Variants in CPQ observed in about 807,000 individuals in gnomAD.
CPQ encodes the protein carboxypeptidase Q.
A neutral mutation model predicts 45.7 loss-of-function variants in CPQ; 37 were observed. The observed-to-expected ratio is 0.81, with a 90% confidence interval of 0.62 to 1.07. CPQ has a LOEUF of 1.07. Ranked by LOEUF, CPQ falls within the 50% of genes least tolerant of loss-of-function variation. The probability of loss-of-function intolerance (pLI) is 0.00; values close to 1 mark genes in which losing one functional copy is unlikely to be tolerated. For synonymous variants in CPQ, 186 were observed against 205.8 expected, an observed-to-expected ratio of 0.90 and a Z score of 0.82; for missense variants, 537 against 572.9, an observed-to-expected ratio of 0.94 and a Z score of 0.64.
chr8:96,775,117 G>C (rs751111077), intron 1 of CPQ, among the ~76,000 whole-genome samples: 1 of 152,134 alleles, frequency 6.6e-6, no homozygotes, highest in Non-Finnish European at 1.5e-5. Context: ...TGTTTGGGTA[G>C]AACTGGGTCA....
chr8:96,717,836 G>T (rs1326401425), intron 1 of CPQ, among the ~76,000 whole-genome samples: 2 of 152,162 alleles, frequency 1.3e-5, no homozygotes, highest in Non-Finnish European at 2.9e-5. Flanking sequence ...TAGCTGCTGG[G>T]GTAATGTTCC....
intron 4 of CPQ, among the ~76,000 whole-genome samples, chr8:96,922,248 A>G (rs188549581): frequency 2.9e-4 from 44 of 152,340 alleles, no homozygotes; most frequent in Admixed American, 7.8e-4. Flanking sequence ...AACAGTAACT[A>G]TGACAACTCA....
intron 5 of CPQ, among the ~76,000 whole-genome samples, chr8:97,002,152 C>A (rs1479416629): frequency 6.6e-6 from 1 of 152,004 alleles, no homozygotes; most frequent in African/African-American, 2.4e-5. Context: ...TGAACCTTCT[C>A]TCTTTTCTCC....
intron 3 of CPQ, among the ~76,000 whole-genome samples, chr8:96,835,776 A>C (rs1811521144): frequency 6.6e-6 from 1 of 152,206 alleles, no homozygotes; most frequent in Admixed American, 6.5e-5. Context: ...TTTGAGATTA[A>C]ATGAGGTCAA....
intron 3 of CPQ, among the ~76,000 whole-genome samples, chr8:96,845,335 C>T (rs1324535346): frequency 6.6e-6 from 1 of 152,146 alleles, no homozygotes; most frequent in Non-Finnish European, 1.5e-5. Context: ...CTTTCGTGTA[C>T]CTCATTGTAT....
chr8:96,971,457 T>C (rs1813678985), intron 5 of CPQ, among the ~76,000 whole-genome samples: 1 of 152,234 alleles, frequency 6.6e-6, no homozygotes, highest in African/African-American at 2.4e-5. Context: ...TGGCCCCAGA[T>C]GAATCAGAAT....
chr8:96,981,106 AC>A (rs1813888154), intron 5 of CPQ, among the ~76,000 whole-genome samples: 1 of 152,194 alleles, frequency 6.6e-6, no homozygotes. Flanking sequence ...AGAAAACACA[AC>A]CAAATCTAGT....
At chr8:97,123,134 A>AAAATAAAATAAATAAAATAAAATAAAAT (rs1811771766) in intron 7 of CPQ, among the ~76,000 whole-genome samples, 1 of 106,532 alleles carries the variant, frequency 9.4e-6, no homozygotes, top group Non-Finnish European at 1.8e-5. Flanking sequence ...TAAATAAAAT[A>AAAATAAAATAAATAAAATAAAATAAAAT]AAATAAAATA....
At chr8:96,838,245 T>C (rs1811556529) in intron 3 of CPQ, among the ~76,000 whole-genome samples, 1 of 152,168 alleles carries the variant, frequency 6.6e-6, no homozygotes, top group South Asian at 2.1e-4. Context: ...AACAAACAGC[T>C]TCAAATCTCA....
rs1020955976 is a variant in CPQ at position 96,984,654 on chromosome 8, G to A, written c.961+18608G>A. Among the ~76,000 whole-genome samples, 3 of 152,148 alleles carry A rather than the reference G, an allele frequency of 2.0e-5. No individual in the cohort carries two copies. The South Asian group carries it at 6.2e-4, about 31-fold the overall frequency. ...ACTCAGTCTCAGGAATTATGTTGTG[G>A]TAGCACAAAATGGACTAAGACATTA... On this transcript the variant is annotated intron_variant, in intron 5 of 7. Transcript: ENST00000220763.
intron 1 of CPQ, among the ~76,000 whole-genome samples, chr8:96,655,160 T>A (rs1006948068): frequency 1.3e-5 from 2 of 152,136 alleles, no homozygotes; most frequent in Non-Finnish European, 2.9e-5. Context: ...AAATATACTT[T>A]CTGGCCATTT....
At chr8:96,905,760 C>CAAA (rs747470074) in intron 4 of CPQ, among the ~76,000 whole-genome samples, 20 of 64,814 alleles carry the variant, frequency 3.1e-4, no homozygotes, top group East Asian at 4.7e-4. Flanking sequence ...CTGTCTTAAC[C>CAAA]AAAAAAAAAA....
chr8:96,726,131 G>A (rs1044083722), intron 1 of CPQ, among the ~76,000 whole-genome samples: 5 of 152,066 alleles, frequency 3.3e-5, no homozygotes, highest in East Asian at 3.9e-4. Flanking sequence ...AAAATTACCT[G>A]TTGGGTACTC....
At chr8:96,921,240 T>C (rs1197522064) in intron 4 of CPQ, among the ~76,000 whole-genome samples, 2 of 152,194 alleles carry the variant, frequency 1.3e-5, no homozygotes, top group Non-Finnish European at 2.9e-5. Context: ...ATGTAGAGCA[T>C]GCACCTGTTC....
intron 2 of CPQ, 54 bp downstream of exon 2, chr8:96,785,384 G>A (rs1810754976): frequency 3.0e-6 from 4 of 1,353,636 alleles, no homozygotes; most frequent in Non-Finnish European, 2.0e-6. Context: ...ATGTCCCTTG[G>A]TGTAATTGAG....
chr8:96,719,544 G>A (rs947804061), intron 1 of CPQ, among the ~76,000 whole-genome samples: 4 of 152,222 alleles, frequency 2.6e-5, no homozygotes, highest in African/African-American at 7.2e-5. Flanking sequence ...CAGTGCAGCG[G>A]TGGGCTGAAG....
chr8:97,118,599 T>C (rs551753746), intron 7 of CPQ, among the ~76,000 whole-genome samples: 1 of 152,176 alleles, frequency 6.6e-6, no homozygotes, highest in Non-Finnish European at 1.5e-5. Context: ...CAAGTGATAA[T>C]GTAGGAAGCA....
At chr8:96,824,609 G>T (rs1208556090) in intron 2 of CPQ, among the ~76,000 whole-genome samples, 2 of 151,928 alleles carry the variant, frequency 1.3e-5, no homozygotes, top group African/African-American at 4.8e-5. Flanking sequence ...TTTTAAATAT[G>T]GCTCGGGGAT....
Position 97,034,676 on chromosome 8 carries a change from T to C in CPQ, c.1053+5182T>C, listed in dbSNP as rs1158026684. ...AAGGTATATAGCATTCCTATTACCC[T>C]AGTAAGTTTCCTTATGTCCCCTTCA... On this transcript the variant is annotated intron_variant, in intron 6 of 7. Transcript: ENST00000220763. Among the ~76,000 whole-genome samples, 3 of 152,294 alleles carry C rather than the reference T, an allele frequency of 2.0e-5. No homozygotes were observed. In the East Asian group the frequency reaches 5.8e-4, roughly 29 times the overall value.
Sources: allele counts gnomAD v4.1 joint callset (sites outside exome capture counted in the v4.1 genomes callset), GRCh38; gene constraint gnomAD v4.1.1; transcripts MANE v1.5; gene names NCBI Gene and HGNC (gene_info 2026-07-23, HGNC 2026-07-21).